The following ENTREP2 variants were observed in gnomAD, a reference collection of about 807,000 sequenced individuals.
ENTREP2 encodes the protein protein ENTREP2.
At chr15:29,495,381 GA>G in the ENTREP2 span, among the ~76,000 whole-genome samples, 1 of 152,086 alleles carries the variant, frequency 6.6e-6, no homozygotes, top group African/African-American at 2.4e-5. Flanking sequence ...TTGCTCTAAA[GA>G]AATATTTTAG....
the ENTREP2 span, among the ~76,000 whole-genome samples, chr15:29,294,463 C>T: frequency 7.2e-5 from 11 of 152,288 alleles, no homozygotes; most frequent in East Asian, 7.7e-4. Flanking sequence ...GGAGACAGCC[C>T]GCCCTGGGCC....
At chr15:29,421,192 T>C in the ENTREP2 span, among the ~76,000 whole-genome samples, 1 of 152,216 alleles carries the variant, frequency 6.6e-6, no homozygotes, top group African/African-American at 2.4e-5. Flanking sequence ...GAGGAGCTAT[T>C]GATTAAGGCG....
the ENTREP2 span, among the ~76,000 whole-genome samples, chr15:29,302,723 AAAG>A: frequency 6.6e-6 from 1 of 152,140 alleles, no homozygotes. Context: ...TTCCCGCAAG[AAAG>A]AAGAACGGTT....
the ENTREP2 span, among the ~76,000 whole-genome samples, chr15:29,509,170 A>ATT: frequency 6.6e-6 from 1 of 152,210 alleles, no homozygotes; most frequent in South Asian, 2.1e-4. Context: ...AAGAGAATAA[A>ATT]ATACCTAGGA....
the ENTREP2 span, among the ~76,000 whole-genome samples, chr15:29,319,471 C>T: frequency 1.1e-4 from 17 of 152,304 alleles, no homozygotes; most frequent in Admixed American, 1.0e-3. Context: ...AGCATCTGTG[C>T]CCCTGGACTA....
chr15:29,144,468 C>T, the ENTREP2 span, among the ~76,000 whole-genome samples: 1 of 152,168 alleles, frequency 6.6e-6, no homozygotes, highest in South Asian at 2.1e-4. Flanking sequence ...GTAGCTCATG[C>T]CTATCATCCA....
chr15:29,523,561 ATTTTTTT>A, the ENTREP2 span, among the ~76,000 whole-genome samples: 36 of 78,508 alleles, frequency 4.6e-4, no homozygotes, highest in South Asian at 3.6e-3. Flanking sequence ...TCCCAGCTAG[ATTTTTTT>A]TTTTTTTTTT....
chr15:29,469,715 G>C, the ENTREP2 span, among the ~76,000 whole-genome samples: 1 of 152,104 alleles, frequency 6.6e-6, no homozygotes, highest in Non-Finnish European at 1.5e-5. Context: ...ACTTCAACAT[G>C]GTTAAGAGGA....
At chr15:29,137,054 T>C in the ENTREP2 span, 3 of 1,445,696 alleles carry the variant, frequency 2.1e-6, no homozygotes, top group Admixed American at 3.7e-5. Context: ...CAGTGGACGG[T>C]GTGCAGGTGT....
chr15:29,424,993 G>T, the ENTREP2 span, among the ~76,000 whole-genome samples: 1 of 152,060 alleles, frequency 6.6e-6, no homozygotes. Flanking sequence ...CCATAATGGG[G>T]TGATTATACT....
At chr15:29,410,184 T>C in the ENTREP2 span, among the ~76,000 whole-genome samples, 1 of 152,216 alleles carries the variant, frequency 6.6e-6, no homozygotes, top group African/African-American at 2.4e-5. Context: ...TGGAATCCCA[T>C]TCTTGAATTT....
the ENTREP2 span, among the ~76,000 whole-genome samples, chr15:29,453,399 A>G: frequency 2.0e-5 from 3 of 152,250 alleles, no homozygotes; most frequent in Non-Finnish European, 4.4e-5. Context: ...CTGAAAAGTG[A>G]ACTGTAGCTT....
the ENTREP2 span, among the ~76,000 whole-genome samples, chr15:29,280,175 G>A: frequency 5.9e-5 from 9 of 152,272 alleles, no homozygotes; most frequent in Admixed American, 3.3e-4. Context: ...ATTAAAAGAC[G>A]TATCTCTACT....
At chr15:29,461,282 A>C in the ENTREP2 span, among the ~76,000 whole-genome samples, 4 of 152,164 alleles carry the variant, frequency 2.6e-5, no homozygotes, top group Non-Finnish European at 5.9e-5. Flanking sequence ...AACCAAATAC[A>C]ACTGTTGAAA....
At chr15:29,633,954 A>AAAAAAG in the ENTREP2 span, among the ~76,000 whole-genome samples, 1 of 152,094 alleles carries the variant, frequency 6.6e-6, no homozygotes, top group East Asian at 1.9e-4. Context: ...TTCATCTCAA[A>AAAAAAG]AAAAAGAAAA....
chr15:29,416,457 A>G, the ENTREP2 span, among the ~76,000 whole-genome samples: 1 of 152,208 alleles, frequency 6.6e-6, no homozygotes, highest in African/African-American at 2.4e-5. Flanking sequence ...CAGAAAGCTG[A>G]AACTGGATCT....
At chr15:29,385,625 G>A in the ENTREP2 span, among the ~76,000 whole-genome samples, 1 of 152,056 alleles carries the variant, frequency 6.6e-6, no homozygotes, top group Non-Finnish European at 1.5e-5. Flanking sequence ...CAAATAACAT[G>A]GCCCCAGCAA....
the ENTREP2 span, among the ~76,000 whole-genome samples, chr15:29,211,207 C>A: frequency 1.3e-5 from 2 of 152,114 alleles, no homozygotes; most frequent in African/African-American, 2.4e-5. Flanking sequence ...CCTCATTTGT[C>A]CTATAGTAAA....
the ENTREP2 span, among the ~76,000 whole-genome samples, chr15:29,130,068 C>T: frequency 2.9e-4 from 44 of 152,294 alleles, no homozygotes; most frequent in African/African-American, 8.9e-4. Flanking sequence ...CTTCATCTCT[C>T]CTCTTCAACC....
Sources: gnomAD v4.1 joint callset for allele counts (sites outside exome capture counted in the v4.1 genomes callset) on GRCh38, gnomAD v4.1.1 for gene constraint, MANE v1.5 for transcripts, NCBI Gene and HGNC (gene_info 2026-07-23, HGNC 2026-07-21) for gene names.